Variants in PIEZO1 observed in about 807,000 individuals in gnomAD.
PIEZO1 encodes piezo-type mechanosensitive ion channel component 1.
In PIEZO1, 296 loss-of-function variants were observed where a neutral mutation model predicts 297.2. That is an observed-to-expected ratio of 1.00 (90% confidence interval 0.91 to 1.10). The LOEUF (loss-of-function observed/expected upper bound fraction) is 1.10, where lower values mean the gene tolerates loss of function less well. Ranked by LOEUF, PIEZO1 falls within the 50% of genes least tolerant of loss-of-function variation. The pLI is 0.00. For missense variants in PIEZO1, 5,018 were observed against 3,455.5 expected (o/e 1.45, Z -11.34); for synonymous variants, 2,427 against 1,507.5 (o/e 1.61, Z -14.13).
chr16:88,716,081 G>A lies in PIEZO1; in HGVS notation c.7168C>T (p.Arg2390Trp), dbSNP rs540641036. Residue 2390 changes from arginine (R) to tryptophan (W), a missense_variant, in exon 50 of 51, where the codon CGG (arginine) becomes TGG (tryptophan). Transcript: ENST00000301015. Reference protein sequence around the residue: ...ADYLGVRIQLRREQGAGATGF... With the variant: ...ADYLGVRIQLWREQGAGATGF... The stretch of plus-strand genomic sequence containing the variant: ...GTGGCCCCCGCACCCTGCTCCCTCC[G>A]CAGCTGGATACGCACGCCGAGGTAG... The A allele has an allele frequency of 9.7e-6, 15 of 1,549,610 alleles. 1 individual carries two copies. The Admixed American group carries it at 9.8e-5, about 10-fold the overall frequency.
chr16:88,783,550 C>T (rs11867072), intron 1 of PIEZO1, among the ~76,000 whole-genome samples: 8,569 of 152,230 alleles, frequency 0.056, 808 homozygotes, highest in African/African-American at 0.2. Context: ...CTCTCTAAGG[C>T]CTGTCAGCTC....
At chr16:88,764,938 C>G (rs1471830572) in intron 1 of PIEZO1, among the ~76,000 whole-genome samples, 1 of 152,144 alleles carries the variant, frequency 6.6e-6, no homozygotes, top group East Asian at 1.9e-4. Flanking sequence ...TCCTAAGAAG[C>G]CTGGCCATTG....
chr16:88,715,516 G>A lies in PIEZO1; in HGVS notation c.*89C>T, dbSNP rs1911927494. ...ACAGCTGGCGGCCTTGGACGGGGCA[G>A]TGGCTCCCCCGGCCTGAGGAGTGCC... On this transcript the variant is annotated 3_prime_UTR_variant, in exon 51 of 51. Transcript: ENST00000301015. 1.5e-6 allele frequency: 2 copies of A among 1,351,976 alleles called. No homozygotes were observed. The highest frequency in any genetic ancestry group is 5.0e-5 in the East Asian group (2 of 39,852). The allele number at this position is 1,351,976 out of a possible 1,614,324, so 83.7% of individuals were successfully genotyped here. A position where few individuals can be genotyped will look rare whatever the true frequency, so the allele number is the denominator to read the frequency against.
rs778738156 is a variant in PIEZO1, at chr16:88,723,073, CCCCAGCCCCGGG to C, written c.4495+10_4495+21del. ...GTGGGGCCAAGAGAGACCTCCCACTCCCCAGCCCCGGGCCCACGTACCTGCCGCTGCCTCCTC... is the reference window on the plus strand; with the variant it reads ...GTGGGGCCAAGAGAGACCTCCCACTCCCCACGTACCTGCCGCTGCCTCCTC... On this transcript the variant is annotated intron_variant, in intron 33 of 50. Coordinates refer to ENST00000301015, the MANE Select transcript of PIEZO1 (RefSeq NM_001142864.4). The C allele has an allele frequency of 3.2e-6, 5 of 1,546,318 alleles. No individual in the cohort carries two copies. The South Asian group carries it at 6.0e-5, about 18-fold the overall frequency.
rs374207686 is a variant in PIEZO1, at chr16:88,736,277, C to T, written c.1428G>A (p.Thr476=). ...CCCACACGTAGCGTAGGCAGCACAGCGTCATCCCATACAGCAGGATGCAGG... is the reference window on the plus strand; with the variant it reads ...CCCACACGTAGCGTAGGCAGCACAGTGTCATCCCATACAGCAGGATGCAGG... ...CSPCILLYGM[T]LCCLRYVWAM... is the part of the protein sequence containing the mutation. Residue 476 remains threonine (T), a synonymous_variant, in exon 12 of 51, where the codon ACG becomes ACA. Transcript: ENST00000301015. The T allele has an allele frequency of 3.5e-5, 54 of 1,550,174 alleles. No individual in the cohort carries two copies. The African/African-American group carries it at 6.0e-4, about 17-fold the overall frequency.
At position 88,732,358 on chromosome 16, in the gene PIEZO1, A is replaced by G; in HGVS notation, c.2968T>C (p.Phe990Leu). 6.5e-7 allele frequency: 1 copy of G among 1,549,580 alleles called. No individual in the cohort carries two copies. Among genetic ancestry groups the G allele is most frequent in the Non-Finnish European group, 8.7e-7 (1 of 1,146,396 alleles). Residue 990 changes from phenylalanine (F) to leucine (L), a missense_variant, in exon 21 of 51, where the codon TTC becomes CTC. Transcript: ENST00000301015. ...LGCLKYFINF[F>L]FYKFGLEICF... ...ACCTCCAGCCCGAATTTGTAGAAGA[A>G]GAAGTTGATGAAGTACTTGAGGCAG...
intron 19 of PIEZO1, 91 bp from the exon 20 acceptor site, chr16:88,732,823 G>A: frequency 1.5e-6 from 2 of 1,295,240 alleles, no homozygotes; most frequent in Non-Finnish European, 1.0e-6. Flanking sequence ...CTCTGGGGCA[G>A]GTCCACTGCT....
At chr16:88,718,834 A>C (rs113385327) in intron 44 of PIEZO1, 15,214 of 153,762 alleles carry the variant, frequency 0.099, 929 homozygotes, top group Non-Finnish European at 0.14. Context: ...CAGCCTCCAG[A>C]GTAGCTGGGA....
intron 1 of PIEZO1, among the ~76,000 whole-genome samples, chr16:88,751,528 C>T (rs1240895101): frequency 1.3e-5 from 2 of 152,222 alleles, no homozygotes; most frequent in African/African-American, 2.4e-5. Context: ...GCACCGCCCG[C>T]CCTGCTGGAC....
intron 22 of PIEZO1, 187 bp from the exon 23 acceptor site, chr16:88,727,848 A>G (rs532349828): frequency 1.0e-5 from 4 of 391,586 alleles, no homozygotes. Flanking sequence ...GATTCCTTCA[A>G]CTCTGCACCA....
chr16:88,774,167 T>C (rs1002298224), intron 1 of PIEZO1, among the ~76,000 whole-genome samples: 16 of 152,198 alleles, frequency 1.1e-4, no homozygotes, highest in African/African-American at 3.9e-4. Context: ...TCCTGGCCTC[T>C]GCCTGGGCCC....
At chr16:88,731,387 C>T (rs946619703) in intron 22 of PIEZO1, 16 of 340,178 alleles carry the variant, frequency 4.7e-5, no homozygotes, top group African/African-American at 1.5e-4. Context: ...GCATCACGGC[C>T]GACCCGCACG....
At chr16:88,749,675 T>C (rs879908847) in intron 1 of PIEZO1, among the ~76,000 whole-genome samples, 196 bp from the exon 2 acceptor site, 2 of 152,234 alleles carry the variant, frequency 1.3e-5, no homozygotes, top group Non-Finnish European at 2.9e-5. Flanking sequence ...GGCACCAGCC[T>C]CCCAGCGGGG....
chr16:88,733,805 G>A (rs1905034624), intron 17 of PIEZO1, 60 bp from the exon 18 acceptor site: 4 of 1,476,316 alleles, frequency 2.7e-6, no homozygotes, highest in Non-Finnish European at 2.7e-6. Context: ...CCCCTGTGAG[G>A]AAGAGGCTCT....
Position 88,759,928 on chromosome 16 carries a change from G to A in PIEZO1, c.65-10449C>T, listed in dbSNP as rs559713080. The stretch of plus-strand genomic sequence containing the variant: ...CTGGGGGGCTCCCCCAATGGAGGCC[G>A]AGCCCGGCCAGGCCCACCTTCACCA... On this transcript the variant is annotated intron_variant, in intron 1 of 50. Transcript: ENST00000301015. 1.3e-3 allele frequency among the ~76,000 whole-genome samples: 197 copies of A among 152,210 alleles called. 4 individuals carry two copies. Among genetic ancestry groups the A allele is most frequent in the East Asian group, 9.7e-4 (5 of 5,170 alleles).
At chr16:88,740,241 G>A (rs1461462096) in intron 5 of PIEZO1, 2 of 152,330 alleles carry the variant, frequency 1.3e-5, no homozygotes, top group Admixed American at 6.5e-5. Context: ...GGGGCTTCTA[G>A]ATCTTTCGGA....
chr16:88,727,603 C>T lies in PIEZO1; in HGVS notation c.3255G>A (p.Leu1085=), dbSNP rs1005939698. 1.5e-4 allele frequency: 232 copies of T among 1,537,014 alleles called. No homozygotes were observed. Among genetic ancestry groups the T allele is most frequent in the Non-Finnish European group, 1.9e-4 (221 of 1,138,710 alleles). Reference sequence around the variant, plus strand: ...GGGCCCGGAAGAAATCAGGCAGGTACAGCCACTTGATGAGTGCGGAGTTCA... The same window carrying T: ...GGGCCCGGAAGAAATCAGGCAGGTATAGCCACTTGATGAGTGCGGAGTTCA... ...VPMNSALIKW[L]YLPDFFRAPN... is the part of the protein sequence containing the mutation. Residue 1085 remains leucine (L), a synonymous_variant, in exon 23 of 51, where the codon CTG becomes CTA. Transcript: ENST00000301015.
Position 88,722,034 on chromosome 16 carries a change from T to C in PIEZO1, c.4988A>G (p.Glu1663Gly). 3.2e-6 allele frequency: 5 copies of C among 1,547,820 alleles called. No individual in the cohort carries two copies. The highest frequency in any genetic ancestry group is 1.2e-5 in the South Asian group (1 of 83,908). ...RLRIPELEEA[E>G]LFAEGQGRAL... Reference sequence around the variant, plus strand: ...CCGGCCCTGCCCCTCCGCAAACAGCTCTGCCTCCTCCAGCTCTGGGATGCG... The same window carrying C: ...CCGGCCCTGCCCCTCCGCAAACAGCCCTGCCTCCTCCAGCTCTGGGATGCG... The change falls in exon 37 of 51, where the codon GAG becomes GGG. Residue 1663 changes from glutamate (E) to glycine (G), a missense_variant. Physicochemically the swap from Glu to Gly is moderately conservative, Grantham distance 98 (BLOSUM62 -2). Coordinates refer to ENST00000301015, the MANE Select transcript of PIEZO1 (RefSeq NM_001142864.4).
At chr16:88,719,469 G>C (rs1912271731) in intron 44 of PIEZO1, 105 bp downstream of exon 44, 3 of 1,129,418 alleles carry the variant, frequency 2.7e-6, no homozygotes, top group Non-Finnish European at 3.8e-6. Flanking sequence ...TCCGAGCCCT[G>C]GGAGGGCCTC....
Sources: allele counts gnomAD v4.1 joint callset (sites outside exome capture counted in the v4.1 genomes callset), GRCh38; gene constraint gnomAD v4.1.1; transcripts MANE v1.5; gene names NCBI Gene and HGNC (gene_info 2026-07-23, HGNC 2026-07-21).